AADAT: variants seen among roughly 807,000 people sequenced by gnomAD.
AADAT encodes the protein kynurenine/alpha-aminoadipate aminotransferase, mitochondrial.
Under a neutral mutation model 56.2 loss-of-function variants are expected in AADAT, and 25 were observed. The observed-to-expected ratio is 0.44, with a 90% CI of 0.32 to 0.62. The LOEUF is 0.62. Among genes scored for constraint, AADAT ranks in the 20% least tolerant of loss-of-function variants. The probability of loss-of-function intolerance (pLI) is 0.04; values close to 1 mark genes in which losing one functional copy is unlikely to be tolerated. For synonymous variants in AADAT, 173 were observed against 164.7 expected (o/e 1.05, Z -0.39); for missense variants, 387 against 510.5 (o/e 0.76, Z 2.33).
intron 4 of AADAT, among the ~76,000 whole-genome samples, chr4:170,073,617 G>C (rs141008384): frequency 0.019 from 2,855 of 151,614 alleles, 96 homozygotes; most frequent in African/African-American, 0.064. Context: ...TCCTGCTTTA[G>C]CCTCCCGAGT....
chr4:170,075,677 C>T (rs963807127), intron 4 of AADAT, among the ~76,000 whole-genome samples: 2 of 152,104 alleles, frequency 1.3e-5, no homozygotes, highest in African/African-American at 4.8e-5. Context: ...CATCCATCAC[C>T]TCTGTCTATT....
chr4:170,078,412 T>C lies in AADAT; in HGVS notation c.444+97A>G, dbSNP rs1056205897. On this transcript the variant is annotated intron_variant, in intron 4 of 12. Transcript: ENST00000337664. Reference sequence around the variant, plus strand: ...AGATTATTTTAAAGTTAATAAGATATTAACTTTATTATAATAAAGTTATTA... The same window carrying C: ...AGATTATTTTAAAGTTAATAAGATACTAACTTTATTATAATAAAGTTATTA... 7.7e-6 allele frequency: 5 copies of C among 647,298 alleles called. No homozygotes were observed. In the African/African-American group the frequency reaches 9.4e-5, roughly 12 times the overall value. 40.1% of individuals were successfully genotyped at this position (647,298 alleles called of 1,614,324 possible). A position where few individuals can be genotyped will look rare whatever the true frequency, so the allele number is the denominator to read the frequency against.
At chr4:170,073,104 C>G (rs1731853196) in intron 5 of AADAT, 32 bp downstream of exon 5, 3 of 1,599,302 alleles carry the variant, frequency 1.9e-6, no homozygotes, top group Non-Finnish European at 2.6e-6. Context: ...GAAACAGGAA[C>G]ACAACTACTT....
chr4:170,062,453 T>C (rs747228078), intron 11 of AADAT, among the ~76,000 whole-genome samples: 23 of 152,192 alleles, frequency 1.5e-4, no homozygotes, highest in Non-Finnish European at 2.6e-4. Context: ...AGGGCAAAGA[T>C]ACACAGAGTA....
chr4:170,090,812 T>TTG (rs1732792037), upstream of AADAT, among the ~76,000 whole-genome samples: 1 of 152,204 alleles, frequency 6.6e-6, no homozygotes, highest in African/African-American at 2.4e-5. Flanking sequence ...CAACCTCTCT[T>TTG]TGACTTTAAA....
At chr4:170,080,009 G>T (rs1732215181) in intron 3 of AADAT, among the ~76,000 whole-genome samples, 1 of 152,136 alleles carries the variant, frequency 6.6e-6, no homozygotes, top group African/African-American at 2.4e-5. Context: ...TGCAAGGAAG[G>T]GAGGGAAAGT....
intron 12 of AADAT, among the ~76,000 whole-genome samples, chr4:170,061,680 A>G (rs1731197262): frequency 6.6e-6 from 1 of 152,238 alleles, no homozygotes; most frequent in Non-Finnish European, 1.5e-5. Flanking sequence ...TGCAGACAAT[A>G]AATTTTAACT....
chr4:170,060,909 C>G lies in AADAT; in HGVS notation c.*19G>C. ...GGATTATAGGTGTGAGCCACCATGCCCAACCTAGTTTAATTTCTTCATAAA... is the reference window on the plus strand; with the variant it reads ...GGATTATAGGTGTGAGCCACCATGCGCAACCTAGTTTAATTTCTTCATAAA... On this transcript the variant is annotated 3_prime_UTR_variant, in exon 13 of 13. Coordinates refer to ENST00000337664, the MANE Select transcript of AADAT (RefSeq NM_016228.4). 1 of 1,540,378 alleles carries G rather than the reference C, an allele frequency of 6.5e-7. No individual in the cohort carries two copies. Among genetic ancestry groups the G allele is most frequent in the Non-Finnish European group, 8.7e-7 (1 of 1,143,432 alleles).
Position 170,063,493 on chromosome 4 carries a change from T to C in AADAT, c.1134+1226A>G, listed in dbSNP as rs535512013. Among the ~76,000 whole-genome samples, 12 of 152,356 alleles carry C rather than the reference T, an allele frequency of 7.9e-5. No homozygotes were observed. In the East Asian group the frequency reaches 2.3e-3, roughly 29 times the overall value. On this transcript the variant is annotated intron_variant, in intron 11 of 12. Transcript: ENST00000337664. ...AAGAATGTATCAAATTGATTTATTA[T>C]ACTACAATGCATTTATTTGAAGTAA...
chr4:170,066,191 T>A (rs1561011715), intron 10 of AADAT, among the ~76,000 whole-genome samples: 4 of 152,102 alleles, frequency 2.6e-5, no homozygotes, highest in Admixed American at 6.6e-5. Flanking sequence ...TTTTTTTTTT[T>A]AATCACAAAT....
At chr4:170,070,381 A>G in intron 6 of AADAT, 2 of 432,666 alleles carry the variant, frequency 4.6e-6, no homozygotes, top group Admixed American at 4.7e-5. Flanking sequence ...TGGAAAGAGC[A>G]GTAATACCAA....
Position 170,088,582 on chromosome 4 carries a change from G to A in AADAT, c.68-18C>T. 6.3e-7 allele frequency: 1 copy of A among 1,590,044 alleles called. No homozygotes were observed. The highest frequency in any genetic ancestry group is 8.6e-7 in the Non-Finnish European group (1 of 1,160,766). ...TATGTCAGCTACAATACACATGGAA[G>A]AGAAGAAACAATTTCATTGAAGATT... On this transcript the variant is annotated intron_variant, in intron 1 of 12. Transcript: ENST00000337664.
intron 4 of AADAT, among the ~76,000 whole-genome samples, chr4:170,076,058 T>C (rs1732020465): frequency 6.6e-6 from 1 of 152,238 alleles, no homozygotes. Context: ...AACATTTGTA[T>C]ACAAGTATCT....
Position 170,066,425 on chromosome 4 carries a change from T to C in AADAT, c.1016A>G (p.Lys339Arg). 6.2e-7 allele frequency: 1 copy of C among 1,613,858 alleles called. No homozygotes were observed. Among genetic ancestry groups the C allele is most frequent in the Non-Finnish European group, 8.5e-7 (1 of 1,179,860 alleles). ...TACGTTCCACTCACCAGTTAACCAC[T>C]TGTCTGCAGCTGCCAGTATTGCATC... Reference protein sequence around the residue: ...QKDAILAAADKWLTGLAEWHV... With the variant: ...QKDAILAAADRWLTGLAEWHV... Residue 339 changes from lysine to arginine, a missense_variant, in exon 10 of 13, where the codon AAG becomes AGG. Transcript: ENST00000337664.
At chr4:170,088,109 C>T (rs1561025847) in intron 2 of AADAT, among the ~76,000 whole-genome samples, 1 of 151,696 alleles carries the variant, frequency 6.6e-6, no homozygotes, top group Non-Finnish European at 1.5e-5. Flanking sequence ...CCTTCTTGGT[C>T]ATTTGCGATT....
At chr4:170,064,105 C>T (rs945505975) in intron 11 of AADAT, among the ~76,000 whole-genome samples, 1 of 152,108 alleles carries the variant, frequency 6.6e-6, no homozygotes, top group Non-Finnish European at 1.5e-5. Flanking sequence ...AGGAACTATA[C>T]TATAAATGGT....
Position 170,067,352 on chromosome 4 carries a change from C to A in AADAT, c.937G>T (p.Glu313Ter). The change falls in exon 9 of 13, where the codon GAA (glutamate) becomes TAA (stop). Residue 313 changes from glutamate (E) to a stop codon, truncating the protein, a stop_gained. Coordinates refer to ENST00000337664, the MANE Select transcript of AADAT (RefSeq NM_016228.4). LOFTEE classifies it high-confidence loss of function. ...ISQLLHEWGE[E>*]GFMAHVDRVI... ...CTGTCTACATGAGCCATGAAACCTTCTTCTCCCCATTCGTGTAGAAGCTGT... is the reference window on the plus strand; with the variant it reads ...CTGTCTACATGAGCCATGAAACCTTATTCTCCCCATTCGTGTAGAAGCTGT... 1.2e-6 allele frequency: 2 copies of A among 1,613,504 alleles called. No individual in the cohort carries two copies. Among genetic ancestry groups the A allele is most frequent in the Non-Finnish European group, 1.7e-6 (2 of 1,179,660 alleles).
Position 170,088,650 on chromosome 4 carries a change from T to C in AADAT, c.68-86A>G, listed in dbSNP as rs1732682022. On this transcript the variant is annotated intron_variant, in intron 1 of 12. Transcript: ENST00000337664. ...AAGCATGCATTATAGTCAATAAAACTATAAAGTTTAACGATTTCTAGTGAT... is the reference window on the plus strand; with the variant it reads ...AAGCATGCATTATAGTCAATAAAACCATAAAGTTTAACGATTTCTAGTGAT... 11 of 1,382,546 alleles carry C rather than the reference T, an allele frequency of 8.0e-6. No individual in the cohort carries two copies. The South Asian group carries it at 1.5e-4, about 18-fold the overall frequency. 85.6% of individuals were successfully genotyped at this position (1,382,546 alleles called of 1,614,324 possible).
At position 170,088,500 on chromosome 4, in the gene AADAT, G is replaced by A. The variant is rs1318544950; in HGVS notation, c.132C>T (p.Asn44=). 1.2e-6 allele frequency: 2 copies of A among 1,613,654 alleles called. No homozygotes were observed. The highest frequency in any genetic ancestry group is 3.3e-5 in the Admixed American group (2 of 60,000). The change falls in exon 2 of 13, where the codon AAC becomes AAT. Residue 44 remains asparagine, a synonymous_variant. Coordinates refer to ENST00000337664, the MANE Select transcript of AADAT (RefSeq NM_016228.4). Reference sequence around the variant, plus strand: ...TTACGGCAGTCTTAAAAGGAAACATGTTTGGATTTGGTAAGCCACCAGCCA... The same window carrying A: ...TTACGGCAGTCTTAAAAGGAAACATATTTGGATTTGGTAAGCCACCAGCCA... The part of the protein sequence containing the change: ...ISLAGGLPNP[N]MFPFKTAVIT...
Sources: gnomAD v4.1 joint callset for allele counts (sites outside exome capture counted in the v4.1 genomes callset) on GRCh38, gnomAD v4.1.1 for gene constraint, MANE v1.5 for transcripts, NCBI Gene and HGNC (gene_info 2026-07-23, HGNC 2026-07-21) for gene names.